The following LSP1 variants were observed in gnomAD, a reference collection of about 807,000 sequenced individuals.
LSP1 encodes lymphocyte-specific protein 1.
LSP1 carries 32 observed loss-of-function variants against 49.3 expected under a neutral mutation model. The ratio of observed to expected loss-of-function variants is 0.65; its 90% CI spans 0.49 to 0.87. The LOEUF (loss-of-function observed/expected upper bound fraction) is 0.87, where lower values mean the gene tolerates loss of function less well. Ranked by LOEUF, LSP1 falls within the 40% of genes least tolerant of loss-of-function variation. The pLI is 0.00. For synonymous variants in LSP1, 179 were observed against 178.8 expected (o/e 1.00, Z -0.01); for missense variants, 428 against 442.6 (o/e 0.97, Z 0.30).
rs1437946454 is a variant in LSP1 at position 1,881,560 on chromosome 11, C to T, written c.320C>T (p.Pro107Leu). ...AQGALDSGEPPQCRSPEGEQE... is the reference protein window; with the variant it reads ...AQGALDSGEPLQCRSPEGEQE... ...GGCGCCTTGGACAGCGGAGAGCCCC[C>T]CCAGTGCAGGAGTCCTGAGGGGGAG... The change falls in exon 3 of 11, where the codon CCC becomes CTC. Residue 107 changes from proline (P) to leucine (L), a missense_variant. Coordinates refer to ENST00000311604, the MANE Select transcript of LSP1 (RefSeq NM_002339.3). 1.3e-5 allele frequency: 20 copies of T among 1,538,432 alleles called. No individual in the cohort carries two copies. The South Asian group carries it at 2.3e-4, about 18-fold the overall frequency.
intron 1 of LSP1, chr11:1,868,540 TG>T (rs1418502264): frequency 1.7e-6 from 1 of 575,748 alleles, no homozygotes; most frequent in East Asian, 1.4e-4. Context: ...AGGAATGGGC[TG>T]GCAGCCTGCT....
Position 1,884,402 on chromosome 11 carries a change from A to G in LSP1, c.635+79A>G. The G allele has an allele frequency of 6.2e-7, 1 of 1,608,262 alleles. No individual in the cohort carries two copies. Among genetic ancestry groups the G allele is most frequent in the South Asian group, 1.1e-5 (1 of 90,954 alleles). On this transcript the variant is annotated intron_variant, in intron 6 of 10. Transcript: ENST00000311604. The surrounding 1 kb of genome is among the most constrained non-coding windows in gnomAD (Gnocchi z 4.1). The stretch of plus-strand genomic sequence containing the variant: ...TGGGGGTTGAAGGGAGTCACAAGGT[A>G]GAGATCTGGAGACCGAGGGGGGCTC...
intron 1 of LSP1, chr11:1,870,658 C>T: frequency 1.8e-6 from 2 of 1,083,914 alleles, no homozygotes; most frequent in Admixed American, 9.3e-5. Context: ...TGGCTCCCGC[C>T]CAGGTGGGCA....
chr11:1,883,964 C>T lies in LSP1; in HGVS notation c.531C>T (p.Ser177=), dbSNP rs144985136. ...AATGTCAGCAGCCCAGGACACCCAG[C>T]CCCTTGGTCTTGGAGGGGACCATCG... The part of the protein sequence containing the change: ...HQKCQQPRTP[S]PLVLEGTIEQ... Residue 177 remains serine, a synonymous_variant, in exon 5 of 11, where the codon AGC becomes AGT. Transcript: ENST00000311604. 76 of 1,611,754 alleles carry T rather than the reference C, an allele frequency of 4.7e-5. No individual in the cohort carries two copies. The African/African-American group carries it at 8.3e-4, about 18-fold the overall frequency.
At chr11:1,853,245 G>A in intron 1 of LSP1, 48 bp downstream of exon 1, 1 of 1,583,666 alleles carries the variant, frequency 6.3e-7, no homozygotes, top group Non-Finnish European at 8.6e-7. Flanking sequence ...GTCCACGGGT[G>A]CATAGTCCTT....
At chr11:1,853,902 CTG>C (rs906434785) in intron 1 of LSP1, among the ~76,000 whole-genome samples, 11 of 152,180 alleles carry the variant, frequency 7.2e-5, no homozygotes, top group African/African-American at 2.7e-4. Flanking sequence ...CAGCTGTACT[CTG>C]TGGTACCAAT....
At chr11:1,870,591 G>C (rs1565076546) in intron 1 of LSP1, 1 of 1,116,108 alleles carries the variant, frequency 9.0e-7, no homozygotes. Flanking sequence ...TGCTGTGGGA[G>C]TGGAGCAGGT....
At chr11:1,889,682 G>C in intron 10 of LSP1, 1 of 635,422 alleles carries the variant, frequency 1.6e-6, no homozygotes, top group Non-Finnish European at 2.9e-6. Flanking sequence ...CAGCGGCGGG[G>C]CCAGCCATCG....
Position 1,866,853 on chromosome 11 carries a change from C to T in LSP1, c.54-13234C>T, listed in dbSNP as rs575334014. 8.9e-5 allele frequency: 137 copies of T among 1,545,906 alleles called. No individual in the cohort carries two copies. The East Asian group carries it at 3.0e-3, about 34-fold the overall frequency. ...GCTGTGCGGTGGCTCACCCCCTTGTCACCAGGGGCTCGGCCATGAGCATCC... is the reference window on the plus strand; with the variant it reads ...GCTGTGCGGTGGCTCACCCCCTTGTTACCAGGGGCTCGGCCATGAGCATCC... On this transcript the variant is annotated intron_variant, in intron 1 of 10. Coordinates refer to ENST00000311604, the MANE Select transcript of LSP1 (RefSeq NM_002339.3).
In LSP1 at chr11:1,860,891, G is replaced by T. The variant is rs546739392; in HGVS notation, c.53+7694G>T. Among the ~76,000 whole-genome samples, 11 of 132,608 alleles carry T rather than the reference G, an allele frequency of 8.3e-5. 1 individual carries two copies. The South Asian group carries it at 2.6e-3, about 31-fold the overall frequency. 87.0% of individuals were successfully genotyped at this position (132,608 alleles called of 152,430 possible). A position where few individuals can be genotyped will look rare whatever the true frequency, so the allele number is the denominator to read the frequency against. Reference sequence around the variant, plus strand: ...ATGGCTGGAATATGGACATATAAATGATTGGAAAGATTAATAGAAGGATGT... The same window carrying T: ...ATGGCTGGAATATGGACATATAAATTATTGGAAAGATTAATAGAAGGATGT... On this transcript the variant is annotated intron_variant, in intron 1 of 10. Transcript: ENST00000311604.
At chr11:1,878,779 T>C (rs1176992525) in intron 1 of LSP1, among the ~76,000 whole-genome samples, 1 of 152,062 alleles carries the variant, frequency 6.6e-6, no homozygotes, top group Non-Finnish European at 1.5e-5. Context: ...CCTCCCTGGG[T>C]CTGGGATAAT....
chr11:1,876,642 G>C, intron 1 of LSP1: 2 of 985,446 alleles, frequency 2.0e-6, no homozygotes, highest in Non-Finnish European at 2.4e-6. Context: ...GGGGGAGGAC[G>C]GAGGTGGGTA....
At chr11:1,871,124 C>T in intron 1 of LSP1, 1 of 985,552 alleles carries the variant, frequency 1.0e-6, no homozygotes, top group Non-Finnish European at 1.2e-6. Context: ...GGTCGCCTCG[C>T]TCGTGGCACG....
intron 10 of LSP1, chr11:1,890,340 T>C: frequency 1.4e-6 from 1 of 714,966 alleles, no homozygotes; most frequent in Non-Finnish European, 2.6e-6. Flanking sequence ...CTCAGCAGCG[T>C]GCGGGGCTGT....
rs138422235 is a variant in LSP1, at chr11:1,861,036, C to A, written c.53+7839C>A. On this transcript the variant is annotated intron_variant, in intron 1 of 10. Coordinates refer to ENST00000311604, the MANE Select transcript of LSP1 (RefSeq NM_002339.3). ...TAATGAATCAATAGACAATTGAATC[C>A]GTGCTGAGTAAACTATTAGAAAGAC... is the stretch of plus-strand genomic sequence containing the variant. Among the ~76,000 whole-genome samples, 48 of 152,250 alleles carry A rather than the reference C, an allele frequency of 3.2e-4. 1 individual carries two copies. The East Asian group carries it at 9.1e-3, about 29-fold the overall frequency.
At chr11:1,886,150 T>G (rs2133129518) in intron 7 of LSP1, among the ~76,000 whole-genome samples, 1 of 152,110 alleles carries the variant, frequency 6.6e-6, no homozygotes, top group African/African-American at 2.4e-5. Flanking sequence ...ATCCTACCAG[T>G]GCCCCTCCAT....
intron 1 of LSP1, among the ~76,000 whole-genome samples, chr11:1,877,897 C>T (rs1848379048): frequency 6.6e-6 from 1 of 152,000 alleles, no homozygotes; most frequent in African/African-American, 2.4e-5. Flanking sequence ...CTTTGTGGGG[C>T]TGTTGGGGCC....
chr11:1,877,310 C>T (rs1198620890), intron 1 of LSP1, among the ~76,000 whole-genome samples: 2 of 152,092 alleles, frequency 1.3e-5, no homozygotes, highest in Non-Finnish European at 1.5e-5. Context: ...AGGGAGGAGA[C>T]GTAGAAGGGG....
intron 1 of LSP1, among the ~76,000 whole-genome samples, chr11:1,873,283 C>A (rs1316014387): frequency 6.6e-6 from 1 of 151,850 alleles, no homozygotes; most frequent in Non-Finnish European, 1.5e-5. Context: ...CTGCCAGGAC[C>A]CTGCCCACTG....
Sources: gnomAD v4.1 joint callset for allele counts (sites outside exome capture counted in the v4.1 genomes callset) on GRCh38, gnomAD v4.1.1 for gene constraint, Gnocchi (gnomAD v3.1) non-coding constraint, MANE v1.5 for transcripts, NCBI Gene and HGNC (gene_info 2026-07-23, HGNC 2026-07-21) for gene names.